NUP210L: variants seen among roughly 807,000 people sequenced by gnomAD.
NUP210L encodes the protein nucleoporin 210 like.
Under a neutral mutation model 208.5 loss-of-function variants are expected in NUP210L, and 74 were observed. The ratio of observed to expected loss-of-function variants is 0.35; its 90% confidence interval spans 0.29 to 0.43. NUP210L has a LOEUF of 0.43. NUP210L is among the 20% of genes least tolerant of loss of function. The pLI, the probability that NUP210L is intolerant of heterozygous loss-of-function variation, is 1.00. For missense variants in NUP210L, 1,843 were observed against 2,289.4 expected, an observed-to-expected ratio of 0.81 and a Z score of 3.98; for synonymous variants, 780 against 816.9, an observed-to-expected ratio of 0.95 and a Z score of 0.77.
chr1:154,006,825 T>TATATATATATATATATGTATATATATAA (rs1650556757), intron 35 of NUP210L, among the ~76,000 whole-genome samples: 5 of 138,610 alleles, frequency 3.6e-5, no homozygotes, highest in Admixed American at 1.5e-4. Context: ...GCCATATATA[T>TATATATATATATATATGTATATATATAA]ATATATATAT....
At chr1:154,035,322 A>G (rs1198461188) in intron 27 of NUP210L, among the ~76,000 whole-genome samples, 1 of 150,352 alleles carries the variant, frequency 6.7e-6, no homozygotes, top group Non-Finnish European at 1.5e-5. Flanking sequence ...CTTTTCCTCT[A>G]CTAATTCTGG....
chr1:153,995,175 A>G (rs1251035325), exon 38 of NUP210L: 2 of 1,609,798 alleles, frequency 1.2e-6, no homozygotes, highest in Non-Finnish European at 1.7e-6. Context: ...GAATCTTCAC[A>G]GTGATCTATA....
chr1:154,056,332 T>C (rs2147990049), intron 23 of NUP210L, among the ~76,000 whole-genome samples: 1 of 152,278 alleles, frequency 6.6e-6, no homozygotes, highest in Admixed American at 6.5e-5. Flanking sequence ...CCAAATTTTC[T>C]ATAAGAACTG....
chr1:154,051,520 T>C (rs1653498894), intron 25 of NUP210L, among the ~76,000 whole-genome samples: 1 of 152,150 alleles, frequency 6.6e-6, no homozygotes, highest in Admixed American at 6.5e-5. Context: ...GGCCGACACT[T>C]TCACAATTTA....
intron 35 of NUP210L, among the ~76,000 whole-genome samples, chr1:154,005,748 C>T (rs1650489777): frequency 1.4e-5 from 2 of 140,406 alleles, no homozygotes; most frequent in South Asian, 2.3e-4. Context: ...TTTGAGACAG[C>T]GTTTTGCTCT....
chr1:154,048,835 T>C (rs1653327619), intron 25 of NUP210L, among the ~76,000 whole-genome samples: 1 of 152,194 alleles, frequency 6.6e-6, no homozygotes, highest in Non-Finnish European at 1.5e-5. Flanking sequence ...CCTTGATTCA[T>C]ATTACAGTGG....
chr1:154,099,148 G>C (rs559361481), intron 14 of NUP210L, among the ~76,000 whole-genome samples: 1 of 152,256 alleles, frequency 6.6e-6, no homozygotes, highest in South Asian at 2.1e-4. Context: ...GGGTTCCCAA[G>C]AGTACAAGGA....
chr1:154,154,730 C>T, intron 1 of NUP210L, 112 bp downstream of exon 1: 1 of 841,316 alleles, frequency 1.2e-6, no homozygotes, highest in Non-Finnish European at 2.0e-6. Context: ...ACCGGCTAGG[C>T]CCCTTCACGC....
chr1:154,128,266 G>T (rs1196706153), intron 8 of NUP210L, among the ~76,000 whole-genome samples: 1 of 152,038 alleles, frequency 6.6e-6, no homozygotes, highest in Non-Finnish European at 1.5e-5. Context: ...AGGGAGAATT[G>T]CTTGAGCCCA....
chr1:154,153,647 T>C (rs1366944702), intron 1 of NUP210L, among the ~76,000 whole-genome samples: 2 of 152,068 alleles, frequency 1.3e-5, no homozygotes, highest in Non-Finnish European at 2.9e-5. Flanking sequence ...GGTCTCACTA[T>C]GTTGATCCGG....
intron 33 of NUP210L, among the ~76,000 whole-genome samples, chr1:154,012,983 G>A (rs1390186558): frequency 8.9e-6 from 1 of 112,456 alleles, no homozygotes; most frequent in South Asian, 3.1e-4. Flanking sequence ...TCCAGCCTGG[G>A]CAACAAGAGT....
At chr1:154,007,588 A>C (rs1400249389) in intron 35 of NUP210L, among the ~76,000 whole-genome samples, 1 of 149,564 alleles carries the variant, frequency 6.7e-6, no homozygotes, top group African/African-American at 2.5e-5. Flanking sequence ...TTATTTATTT[A>C]TTGAAACAGA....
At chr1:154,117,643 C>T in intron 12 of NUP210L, 82 bp downstream of exon 12, 1 of 1,066,664 alleles carries the variant, frequency 9.4e-7, no homozygotes, top group Non-Finnish European at 1.4e-6. Flanking sequence ...CCATGTTGGG[C>T]TCTTTTTTTA....
At chr1:154,054,543 A>G (rs1017996665) in intron 24 of NUP210L, 136 bp from the exon 25 acceptor site, 38 of 848,376 alleles carry the variant, frequency 4.5e-5, no homozygotes, top group Non-Finnish European at 7.0e-5. Flanking sequence ...ATCAACTCAA[A>G]TGCAGAAGAA....
At chr1:154,028,037 T>C (rs1156245301) in intron 28 of NUP210L, among the ~76,000 whole-genome samples, 1 of 151,986 alleles carries the variant, frequency 6.6e-6, no homozygotes, top group African/African-American at 2.4e-5. Flanking sequence ...AAGTGCTCCT[T>C]CCTCTACTTC....
intron 12 of NUP210L, among the ~76,000 whole-genome samples, chr1:154,110,273 C>T (rs1178953689): frequency 6.7e-6 from 1 of 150,148 alleles, no homozygotes; most frequent in Non-Finnish European, 1.5e-5. Flanking sequence ...AAAAACAACC[C>T]AATGTTGTAT....
intron 29 of NUP210L, among the ~76,000 whole-genome samples, chr1:154,027,241 TG>T (rs997502033): frequency 6.6e-6 from 1 of 152,154 alleles, no homozygotes; most frequent in African/African-American, 2.4e-5. Context: ...GAAGAGTGAC[TG>T]CTTCACAGGT....
intron 17 of NUP210L, among the ~76,000 whole-genome samples, chr1:154,066,945 A>G (rs1654453202): frequency 6.6e-6 from 1 of 152,222 alleles, no homozygotes; most frequent in South Asian, 2.1e-4. Flanking sequence ...TTGAGGCAAT[A>G]ATTAATAGTC....
intron 12 of NUP210L, among the ~76,000 whole-genome samples, chr1:154,111,721 A>T (rs1657045983): frequency 6.6e-6 from 1 of 151,640 alleles, no homozygotes; most frequent in South Asian, 2.1e-4. Context: ...AAAAGAACTA[A>T]TTCTAATCCT....
Sources: allele counts gnomAD v4.1 joint callset (sites outside exome capture counted in the v4.1 genomes callset), GRCh38; gene constraint gnomAD v4.1.1; transcripts MANE v1.5; gene names NCBI Gene and HGNC (gene_info 2026-07-23, HGNC 2026-07-21).